LRR1: variants seen among roughly 807,000 people sequenced by gnomAD.
LRR1 encodes leucine-rich repeat protein 1.
Under a neutral mutation model 31.6 loss-of-function variants are expected in LRR1, and 29 were observed. The ratio of observed to expected loss-of-function variants is 0.92; its 90% CI spans 0.68 to 1.25. The LOEUF is 1.25. Among genes scored for constraint, LRR1 ranks in the 50% most tolerant of loss-of-function variants. The pLI is 0.00. For synonymous variants in LRR1, 179 were observed against 181.4 expected, an observed-to-expected ratio of 0.99 and a Z score of 0.10; for missense variants, 485 against 487.2, an observed-to-expected ratio of 1.00 and a Z score of 0.04.
At chr14:49,613,046 GAA>G (rs1882569523) in intron 3 of LRR1, among the ~76,000 whole-genome samples, 1 of 151,528 alleles carries the variant, frequency 6.6e-6, no homozygotes, top group Non-Finnish European at 1.5e-5. Flanking sequence ...CTAAAAATGC[GAA>G]AATTAGCCAG....
intron 3 of LRR1, chr14:49,612,641 T>C: frequency 9.6e-7 from 1 of 1,043,612 alleles, no homozygotes; most frequent in Non-Finnish European, 1.2e-6. Context: ...GCTGTTTTTT[T>C]ATTTGAAATG....
intron 2 of LRR1, among the ~76,000 whole-genome samples, chr14:49,606,790 G>A (rs923989583): frequency 6.6e-6 from 1 of 151,490 alleles, no homozygotes; most frequent in African/African-American, 2.4e-5. Flanking sequence ...CAAAGTAGCT[G>A]GGATTACAGG....
chr14:49,613,198 G>T (rs570478798), intron 3 of LRR1, among the ~76,000 whole-genome samples: 2 of 152,228 alleles, frequency 1.3e-5, no homozygotes, highest in African/African-American at 4.8e-5. Flanking sequence ...AATTAGCCAG[G>T]CGTGGTGGCG....
Position 49,605,697 on chromosome 14 carries a change from A to C in LRR1, c.283-1703A>C, listed in dbSNP as rs144602020. Among the ~76,000 whole-genome samples the C allele has an allele frequency of 3.2e-3, 480 of 152,302 alleles. 3 individuals are homozygous for C. Among genetic ancestry groups the C allele is most frequent in the African/African-American group, 9.6e-3 (401 of 41,568 alleles). On this transcript the variant is annotated intron_variant, in intron 2 of 3. Transcript: ENST00000298288. ...CAGCAACATTTTTTTCTATCCCCAAAATAAAGGCTTTATTTCAGTCCTCTG... is the reference window on the plus strand; with the variant it reads ...CAGCAACATTTTTTTCTATCCCCAACATAAAGGCTTTATTTCAGTCCTCTG...
chr14:49,601,736 G>A lies in LRR1; in HGVS notation c.184-634G>A, dbSNP rs545998023. The A allele has an allele frequency of 7.2e-6, 9 of 1,245,258 alleles. No homozygotes were observed. The East Asian group carries it at 4.6e-4, about 63-fold the overall frequency. The allele number at this position is 1,245,258 out of a possible 1,614,324, so 77.1% of individuals were successfully genotyped here. On this transcript the variant is annotated intron_variant, in intron 1 of 3. Transcript: ENST00000298288. Reference sequence around the variant, plus strand: ...CATTCTCTCAAAACATGGTGATCCTGTTCTCAAAGGAGAGTTACTGGACAG... The same window carrying A: ...CATTCTCTCAAAACATGGTGATCCTATTCTCAAAGGAGAGTTACTGGACAG...
chr14:49,604,692 CA>C (rs933346263), intron 2 of LRR1, among the ~76,000 whole-genome samples: 1 of 151,666 alleles, frequency 6.6e-6, no homozygotes. Context: ...GACCCTGTCT[CA>C]AAAAAAAGTT....
At chr14:49,599,774 G>C (rs890130730) in intron 1 of LRR1, among the ~76,000 whole-genome samples, 2 of 147,134 alleles carry the variant, frequency 1.4e-5, no homozygotes, top group Admixed American at 1.3e-4. Flanking sequence ...ACCGGGGCCG[G>C]GGCGGGGATC....
chr14:49,605,850 T>A (rs1357677644), intron 2 of LRR1, among the ~76,000 whole-genome samples: 1 of 152,202 alleles, frequency 6.6e-6, no homozygotes, highest in East Asian at 1.9e-4. Flanking sequence ...TTCCCTACTC[T>A]GGTTCATTGT....
At chr14:49,600,950 C>T in intron 1 of LRR1, 5 of 1,557,786 alleles carry the variant, frequency 3.2e-6, no homozygotes, top group Non-Finnish European at 4.3e-6. Flanking sequence ...TTTGACCATA[C>T]ACATTTCTGC....
At position 49,614,649 on chromosome 14, in the gene LRR1, T is replaced by G. The variant is rs1479386573; in HGVS notation, c.*153T>G. ...ACTCATTTAGATGACTCCAAAACTT[T>G]TATTAAAACCAATTTTAGTTTTACT... On this transcript the variant is annotated 3_prime_UTR_variant, in exon 4 of 4. Coordinates refer to ENST00000298288, the MANE Select transcript of LRR1 (RefSeq NM_152329.4). 2 of 1,031,016 alleles carry G rather than the reference T, an allele frequency of 1.9e-6. No homozygotes were observed. The highest frequency in any genetic ancestry group is 2.9e-6 in the Non-Finnish European group (2 of 693,044). 63.9% of individuals were successfully genotyped at this position (1,031,016 alleles called of 1,614,324 possible). A position where few individuals can be genotyped will look rare whatever the true frequency, so the allele number is the denominator to read the frequency against.
intron 1 of LRR1, chr14:49,599,925 A>C: frequency 7.8e-7 from 1 of 1,288,258 alleles, no homozygotes; most frequent in South Asian, 1.5e-5. Flanking sequence ...AGGCGGGCTG[A>C]GGCTGAGCCC....
Position 49,607,918 on chromosome 14 carries a change from G to A in LRR1, c.801G>A (p.Lys267=), listed in dbSNP as rs1267617787. 1 of 1,613,880 alleles carries A rather than the reference G, an allele frequency of 6.2e-7. No homozygotes were observed. The highest frequency in any genetic ancestry group is 1.3e-5 in the African/African-American group (1 of 75,008). ...DDNELIQFPC[K]IGQLINLRFL... is the part of the protein sequence containing the mutation. ...ATGAATTGATTCAATTTCCTTGCAAGATAGGACAACTAATAAACCTTCGCT... is the reference window on the plus strand; with the variant it reads ...ATGAATTGATTCAATTTCCTTGCAAAATAGGACAACTAATAAACCTTCGCT... Residue 267 remains lysine (K), a synonymous_variant, in exon 3 of 4, where the codon AAG becomes AAA. Coordinates refer to ENST00000298288, the MANE Select transcript of LRR1 (RefSeq NM_152329.4).
At position 49,599,059 on chromosome 14, in the gene LRR1, C is replaced by A; in HGVS notation, c.39C>A (p.His13Gln). 1 of 1,609,274 alleles carries A rather than the reference C, an allele frequency of 6.2e-7. No individual in the cohort carries two copies. The highest frequency in any genetic ancestry group is 8.5e-7 in the Non-Finnish European group (1 of 1,177,930). The stretch of plus-strand genomic sequence containing the variant: ...GTGAGGTGGAGGTGATCAGCCGGCA[C>A]TTGCCCGCCTTGGGGCTTAGGAACC... Reference protein sequence around the residue: ...LHCEVEVISRHLPALGLRNRG... With the variant: ...LHCEVEVISRQLPALGLRNRG... The change falls in exon 1 of 4, where the codon CAC (histidine) becomes CAA (glutamine). Residue 13 changes from histidine (H) to glutamine (Q), a missense_variant. By Grantham distance (24) the His-to-Gln change is conservative (BLOSUM62 0). Around this residue, in one of 3 missense-constraint regions of LRR1, gnomAD observed 260 missense variants for 249.6 expected, o/e 1.04. Transcript: ENST00000298288.
At chr14:49,613,755 G>A (rs761941066) in intron 3 of LRR1, among the ~76,000 whole-genome samples, 2 of 152,112 alleles carry the variant, frequency 1.3e-5, no homozygotes, top group Non-Finnish European at 2.9e-5. Context: ...GGCAGAGATT[G>A]CAGTGAGAGC....
Position 49,599,087 on chromosome 14 carries a change from G to T in LRR1, c.67G>T (p.Gly23Cys), listed in dbSNP as rs1220806087. 6.2e-7 allele frequency: 1 copy of T among 1,608,650 alleles called. No individual in the cohort carries two copies. The highest frequency in any genetic ancestry group is 8.5e-7 in the Non-Finnish European group (1 of 1,177,840). ...GCCCGCCTTGGGGCTTAGGAACCGG[G>T]GCAAGGGCGTCCGAGCCGTGTTGAG... Reference protein sequence around the residue: ...HLPALGLRNRGKGVRAVLSLC... With the variant: ...HLPALGLRNRCKGVRAVLSLC... The change falls in exon 1 of 4, where the codon GGC (glycine) becomes TGC (cysteine). Residue 23 changes from glycine (G) to cysteine (C), a missense_variant. Transcript: ENST00000298288.
At chr14:49,603,523 C>CTTCTTT (rs1319657896) in intron 2 of LRR1, 551 of 99,102 alleles carry the variant, frequency 5.6e-3, no homozygotes, top group Admixed American at 7.7e-3. Flanking sequence ...TCTTCTTCTT[C>CTTCTTT]TTTTTTTTTT....
intron 2 of LRR1, among the ~76,000 whole-genome samples, chr14:49,603,780 A>G (rs1356643162): frequency 7.9e-6 from 1 of 126,106 alleles, no homozygotes; most frequent in Non-Finnish European, 1.6e-5. Flanking sequence ...TGCAACCTCC[A>G]CCTCCCGGGT....
chr14:49,607,034 TA>T (rs1259237100), intron 2 of LRR1, among the ~76,000 whole-genome samples: 3 of 150,884 alleles, frequency 2.0e-5, no homozygotes, highest in East Asian at 1.9e-4. Context: ...TTATTTTTGT[TA>T]TTTTTTTTTT....
chr14:49,600,178 A>AT lies in LRR1; in HGVS notation c.183+976dup, dbSNP rs1881998088. The AT allele has an allele frequency of 2.7e-6, 4 of 1,480,540 alleles. No individual in the cohort carries two copies. In the Admixed American group the frequency reaches 6.7e-5, roughly 25 times the overall value. 91.7% of individuals were successfully genotyped at this position (1,480,540 alleles called of 1,614,324 possible). A position where few individuals can be genotyped will look rare whatever the true frequency, so the allele number is the denominator to read the frequency against. On this transcript the variant is annotated intron_variant, in intron 1 of 3. Coordinates refer to ENST00000298288, the MANE Select transcript of LRR1 (RefSeq NM_152329.4). ...GGCAAGCAGTACCTCCTAGGACTCT[A>AT]TAACACCGCCGGACAGGAAGACTAT...
Sources: allele counts gnomAD v4.1 joint callset (sites outside exome capture counted in the v4.1 genomes callset), GRCh38; gene constraint gnomAD v4.1.1; regional missense constraint gnomAD v4.1.1; transcripts MANE v1.5; gene names NCBI Gene and HGNC (gene_info 2026-07-23, HGNC 2026-07-21).